The following PIGU variants were observed in gnomAD, a reference collection of about 807,000 sequenced individuals.
PIGU encodes phosphatidylinositol glycan anchor biosynthesis class U.
In PIGU, 24 loss-of-function variants were observed where a neutral mutation model predicts 49.9. The observed-to-expected ratio is 0.48, with a 90% CI of 0.35 to 0.68. The LOEUF (loss-of-function observed/expected upper bound fraction) is 0.68. Among genes scored for constraint, PIGU ranks in the 30% least tolerant of loss-of-function variants. The pLI is 0.01. For synonymous variants in PIGU, 220 were observed against 205.7 expected (o/e 1.07, Z -0.59); for missense variants, 490 against 532.6 (o/e 0.92, Z 0.79).
chr20:34,617,263 G>A (rs940163826), intron 6 of PIGU, among the ~76,000 whole-genome samples: 8 of 152,150 alleles, frequency 5.3e-5, no homozygotes, highest in Admixed American at 1.3e-4. Flanking sequence ...TAGATCCACC[G>A]ACAGCTTGCA....
rs189646729 is a variant in PIGU, at chr20:34,563,463, A to C, written c.1195-2484T>G. On this transcript the variant is annotated intron_variant, in intron 11 of 11. Coordinates refer to ENST00000217446, the MANE Select transcript of PIGU (RefSeq NM_080476.5). ...ATGCCTGTAATCCCAGCTACTTGGG[A>C]GGCTGAAGGCAGGAGAATGGTTTGA... Among the ~76,000 whole-genome samples the C allele has an allele frequency of 1.6e-3, 247 of 152,324 alleles. 1 individual carries two copies. The highest frequency in any genetic ancestry group is 5.6e-3 in the African/African-American group (231 of 41,568).
At chr20:34,621,832 G>C (rs1464454451) in intron 6 of PIGU, among the ~76,000 whole-genome samples, 1 of 152,180 alleles carries the variant, frequency 6.6e-6, no homozygotes, top group Non-Finnish European at 1.5e-5. Context: ...GACTCAGATA[G>C]TCTCTGTCCT....
intron 1 of PIGU, among the ~76,000 whole-genome samples, chr20:34,658,824 C>T (rs1297146489): frequency 6.7e-6 from 1 of 149,692 alleles, no homozygotes; most frequent in Admixed American, 6.6e-5. Flanking sequence ...AAGCGAGGAG[C>T]CCCTCCGCCC....
chr20:34,662,483 C>T (rs1191732163), intron 1 of PIGU, among the ~76,000 whole-genome samples: 2 of 149,854 alleles, frequency 1.3e-5, no homozygotes, highest in Non-Finnish European at 1.5e-5. Context: ...GCAACCTCTG[C>T]CTCCTGGGTT....
rs752450388 is a variant in PIGU at position 34,634,681 on chromosome 20, C to A, written c.463G>T (p.Val155Phe). 3.1e-6 allele frequency: 5 copies of A among 1,612,808 alleles called. No individual in the cohort carries two copies. Among genetic ancestry groups the A allele is most frequent in the African/African-American group, 1.3e-5 (1 of 74,840 alleles). Reference protein sequence around the residue: ...LLNPYTILSCVAKSTCAINNT... With the variant: ...LLNPYTILSCFAKSTCAINNT... Reference sequence around the variant, plus strand: ...TTGATGGCACAGGTAGACTTGGCAACACAAGACAAAATCGTGTAAGGATTT... The same window carrying A: ...TTGATGGCACAGGTAGACTTGGCAAAACAAGACAAAATCGTGTAAGGATTT... The change falls in exon 6 of 12, where the codon GTT (valine) becomes TTT (phenylalanine). Residue 155 changes from valine to phenylalanine, a missense_variant. Val to Phe is a conservative substitution (Grantham distance 50, BLOSUM62 -1). Transcript: ENST00000217446.
At chr20:34,567,329 T>C (rs1490937683) in intron 11 of PIGU, among the ~76,000 whole-genome samples, 1 of 152,194 alleles carries the variant, frequency 6.6e-6, no homozygotes, top group Non-Finnish European at 1.5e-5. Context: ...GCTCTGAAGA[T>C]GCAAAGTAAC....
chr20:34,581,457 C>G (rs1983458634), intron 10 of PIGU, 91 bp downstream of exon 10: 1 of 1,500,126 alleles, frequency 6.7e-7, no homozygotes, highest in Non-Finnish European at 9.0e-7. Context: ...ATAACAGGTG[C>G]CTGGTAAATG....
rs565472675 is a variant in PIGU at position 34,647,779 on chromosome 20, A to C, written c.196-2445T>G. ...GTTGTGACTTGCTTAACGGTCCATT[A>C]TATGGTCAACTTTGGTAAGTGCTGC... On this transcript the variant is annotated intron_variant, in intron 2 of 11. Transcript: ENST00000217446. Among the ~76,000 whole-genome samples, 9 of 152,280 alleles carry C rather than the reference A, an allele frequency of 5.9e-5. No homozygotes were observed. In the South Asian group the frequency reaches 1.9e-3, roughly 32 times the overall value.
intron 7 of PIGU, among the ~76,000 whole-genome samples, chr20:34,614,188 T>C (rs1439446865): frequency 6.6e-6 from 1 of 151,830 alleles, no homozygotes; most frequent in African/African-American, 2.4e-5. Context: ...TCCCAGTTAC[T>C]TGGGAGGGTG....
chr20:34,666,320 A>T (rs1446149102), intron 1 of PIGU, among the ~76,000 whole-genome samples: 1 of 152,182 alleles, frequency 6.6e-6, no homozygotes, highest in Non-Finnish European at 1.5e-5. Flanking sequence ...TTTTTCCTGG[A>T]GTATCCTCCA....
At chr20:34,639,795 A>C (rs995606504) in intron 4 of PIGU, among the ~76,000 whole-genome samples, 1 of 152,196 alleles carries the variant, frequency 6.6e-6, no homozygotes, top group African/African-American at 2.4e-5. Context: ...GGCAGAGTCC[A>C]AGTTAAGCGG....
chr20:34,669,644 G>A (rs566956913), intron 1 of PIGU, among the ~76,000 whole-genome samples: 2 of 148,252 alleles, frequency 1.3e-5, no homozygotes, highest in African/African-American at 4.9e-5. Flanking sequence ...TCCAGCCTGG[G>A]CAACAGAGTG....
At chr20:34,634,492 A>G in intron 6 of PIGU, 123 bp downstream of exon 6, 1 of 1,346,146 alleles carries the variant, frequency 7.4e-7, no homozygotes, top group Non-Finnish European at 9.6e-7. Flanking sequence ...TTACTTGTGT[A>G]ATTTTTAAAA....
At chr20:34,646,719 A>C (rs1986358123) in intron 2 of PIGU, among the ~76,000 whole-genome samples, 1 of 152,126 alleles carries the variant, frequency 6.6e-6, no homozygotes, top group Non-Finnish European at 1.5e-5. Flanking sequence ...ATTTTCTTCA[A>C]TATCATTTAG....
intron 6 of PIGU, among the ~76,000 whole-genome samples, chr20:34,621,208 AAATG>A (rs1985209567): frequency 6.6e-6 from 1 of 152,164 alleles, no homozygotes; most frequent in East Asian, 1.9e-4. Context: ...ACAAATGAAG[AAATG>A]AATGAATGAA....
chr20:34,626,368 T>G (rs1185817888), intron 6 of PIGU, among the ~76,000 whole-genome samples: 2 of 151,224 alleles, frequency 1.3e-5, no homozygotes, highest in African/African-American at 4.9e-5. Context: ...AATGGCGTGA[T>G]CTCGGCTCAC....
chr20:34,668,461 CAAAAAA>C (rs1209882512), intron 1 of PIGU, among the ~76,000 whole-genome samples: 1 of 21,276 alleles, frequency 4.7e-5, no homozygotes, highest in Admixed American at 6.4e-4. Context: ...GACTCCGTCT[CAAAAAA>C]AAAAAAAAAA....
intron 7 of PIGU, among the ~76,000 whole-genome samples, chr20:34,615,626 C>T (rs1318809999): frequency 2.0e-5 from 3 of 152,162 alleles, no homozygotes; most frequent in African/African-American, 7.2e-5. Flanking sequence ...TTAAATTGTA[C>T]ACCATTCTGA....
chr20:34,625,957 A>ATAT (rs1555800339), intron 6 of PIGU, among the ~76,000 whole-genome samples: 10 of 145,742 alleles, frequency 6.9e-5, no homozygotes, highest in Non-Finnish European at 1.5e-4. Context: ...ACATATATAT[A>ATAT]ATATATATAT....
Sources: gnomAD v4.1 joint callset for allele counts (sites outside exome capture counted in the v4.1 genomes callset) on GRCh38, gnomAD v4.1.1 for gene constraint, MANE v1.5 for transcripts, NCBI Gene and HGNC (gene_info 2026-07-23, HGNC 2026-07-21) for gene names.